CDYL: variants seen among roughly 807,000 people sequenced by gnomAD.
CDYL encodes the protein chromodomain Y like.
Under a neutral mutation model 47.3 loss-of-function variants are expected in CDYL, and 8 were observed. The observed-to-expected ratio is 0.17, with a 90% CI of 0.10 to 0.31. The LOEUF is 0.31. Ranked by LOEUF, CDYL falls within the 10% of genes least tolerant of loss-of-function variation. The pLI is 1.00. For synonymous variants in CDYL, 266 were observed against 265.0 expected (o/e 1.00, Z -0.04); for missense variants, 471 against 701.4 (o/e 0.67, Z 3.71).
intron 4 of CDYL, 73 bp downstream of exon 4, chr6:4,937,810 G>A: frequency 8.7e-7 from 1 of 1,144,952 alleles, no homozygotes; most frequent in Non-Finnish European, 1.3e-6. Context: ...GATAGAATGG[G>A]CCTGACCAAG....
chr6:4,934,840 C>T (rs547289782), intron 2 of CDYL, among the ~76,000 whole-genome samples: 6 of 152,110 alleles, frequency 3.9e-5, no homozygotes, highest in African/African-American at 9.7e-5. Flanking sequence ...CTGTGACATA[C>T]GAGGGAACGT....
At chr6:4,937,822 CT>C (rs1408061665) in intron 4 of CDYL, 85 bp downstream of exon 4, 6 of 1,043,370 alleles carry the variant, frequency 5.8e-6, no homozygotes, top group Non-Finnish European at 8.4e-6. Flanking sequence ...CTGACCAAGC[CT>C]TGAGAATAAG....
chr6:4,894,694 C>T (rs1404616244), intron 2 of CDYL, among the ~76,000 whole-genome samples: 2 of 152,128 alleles, frequency 1.3e-5, no homozygotes, highest in African/African-American at 2.4e-5. Context: ...AAGTGATCCA[C>T]CTGCCTTGGC....
At chr6:4,938,625 A>G (rs1758274030) in intron 4 of CDYL, among the ~76,000 whole-genome samples, 1 of 152,246 alleles carries the variant, frequency 6.6e-6, no homozygotes, top group Non-Finnish European at 1.5e-5. Flanking sequence ...GCAATTTTCA[A>G]GTATAAAAAT....
intron 1 of CDYL, among the ~76,000 whole-genome samples, chr6:4,816,735 C>T (rs752513892): frequency 6.6e-6 from 1 of 152,046 alleles, no homozygotes; most frequent in Non-Finnish European, 1.5e-5. Flanking sequence ...GTGATCTGTC[C>T]ATCTCAGCCT....
chr6:4,734,024 G>C (rs573901846), intron 2 of CDYL, among the ~76,000 whole-genome samples: 1 of 151,850 alleles, frequency 6.6e-6, no homozygotes, highest in Non-Finnish European at 1.5e-5. Context: ...TTTTTTAGTA[G>C]AGATGGGGTT....
chr6:4,942,647 A>G (rs73717775), intron 4 of CDYL, among the ~76,000 whole-genome samples: 5,800 of 152,286 alleles, frequency 0.038, 370 homozygotes, highest in African/African-American at 0.13. Flanking sequence ...ATCAGCTTCT[A>G]GTATTTAGGG....
intron 1 of CDYL, among the ~76,000 whole-genome samples, chr6:4,854,238 G>A (rs888684236): frequency 2.0e-5 from 3 of 152,180 alleles, no homozygotes; most frequent in Non-Finnish European, 2.9e-5. Flanking sequence ...TGGAATTGTC[G>A]CTTAGATTCT....
chr6:4,707,529 C>G (rs1757068850), intron 1 of CDYL, among the ~76,000 whole-genome samples: 1 of 152,200 alleles, frequency 6.6e-6, no homozygotes, highest in South Asian at 2.1e-4. Context: ...TCCTCGGCCT[C>G]CCAAAGTGCT....
chr6:4,853,350 A>C (rs1214003899), intron 1 of CDYL, among the ~76,000 whole-genome samples: 1 of 152,216 alleles, frequency 6.6e-6, no homozygotes, highest in Non-Finnish European at 1.5e-5. Flanking sequence ...AGAGAGCTGA[A>C]GAAGGTAACA....
In CDYL at chr6:4,776,407, C is replaced by A. The variant is rs1052732730; in HGVS notation, c.-377C>A. On this transcript the variant is annotated 5_prime_UTR_variant, in exon 1 of 7. Transcript: ENST00000397588. Reference sequence around the variant, plus strand: ...CAGTAGCCGGGGCAGGTTTTTTGGTCGCAAGTAGGAAGCTTTCTGCACTAC... The same window carrying A: ...CAGTAGCCGGGGCAGGTTTTTTGGTAGCAAGTAGGAAGCTTTCTGCACTAC... The A allele has an allele frequency of 1.4e-5, 2 of 145,618 alleles. No homozygotes were observed. The highest frequency in any genetic ancestry group is 1.5e-5 in the Non-Finnish European group (1 of 65,510). The allele number at this position is 145,618 out of a possible 1,614,324, so 9.0% of individuals were successfully genotyped here.
At chr6:4,893,358 C>G (rs1762105044) in intron 2 of CDYL, among the ~76,000 whole-genome samples, 1 of 152,220 alleles carries the variant, frequency 6.6e-6, no homozygotes, top group African/African-American at 2.4e-5. Flanking sequence ...CCCCCACCAC[C>G]TGGCCCTCTC....
At chr6:4,897,784 G>GTTTTTTT (rs1375786595) in intron 2 of CDYL, among the ~76,000 whole-genome samples, 39 of 15,942 alleles carry the variant, frequency 2.4e-3, no homozygotes, top group African/African-American at 5.8e-3. Flanking sequence ...GGTTTTGAAG[G>GTTTTTTT]TTTTTGTTTT....
At chr6:4,953,506 A>G (rs1758771990) in intron 6 of CDYL, among the ~76,000 whole-genome samples, 1 of 152,240 alleles carries the variant, frequency 6.6e-6, no homozygotes, top group South Asian at 2.1e-4. Context: ...GCAGACAAGC[A>G]ACCCTCATTA....
intron 2 of CDYL, among the ~76,000 whole-genome samples, chr6:4,726,926 T>G (rs1423599032): frequency 2.0e-5 from 3 of 152,132 alleles, no homozygotes; most frequent in Admixed American, 2.0e-4. Context: ...CATTGATTGT[T>G]GTAAGGATTA....
intron 1 of CDYL, among the ~76,000 whole-genome samples, chr6:4,889,380 T>C (rs146230343): frequency 0.047 from 7,128 of 152,128 alleles, 222 homozygotes; most frequent in South Asian, 0.15. Flanking sequence ...TGCACCACCA[T>C]GCCCAGCTAA....
At chr6:4,809,868 G>A (rs545396644) in intron 1 of CDYL, among the ~76,000 whole-genome samples, 65 of 100,862 alleles carry the variant, frequency 6.4e-4, no homozygotes, top group Non-Finnish European at 1.1e-3. Context: ...AGTCCTTGGC[G>A]ATACTTTGTA....
intron 2 of CDYL, among the ~76,000 whole-genome samples, chr6:4,895,291 G>A (rs200081095): frequency 0.026 from 585 of 22,210 alleles, 44 homozygotes; most frequent in African/African-American, 0.14. Flanking sequence ...GTGCATATAT[G>A]CATGTATGTA....
At chr6:4,726,583 C>T (rs1757518128) in intron 2 of CDYL, among the ~76,000 whole-genome samples, 1 of 151,238 alleles carries the variant, frequency 6.6e-6, no homozygotes, top group Non-Finnish European at 1.5e-5. Context: ...CACCTGTGGT[C>T]CCACCTATTT....
Sources: allele counts gnomAD v4.1 joint callset (sites outside exome capture counted in the v4.1 genomes callset), GRCh38; gene constraint gnomAD v4.1.1; transcripts MANE v1.5; gene names NCBI Gene and HGNC (gene_info 2026-07-23, HGNC 2026-07-21).